The following SMAD9 variants were observed in gnomAD, a reference collection of about 807,000 sequenced individuals.
SMAD9 encodes SMAD family member 9.
A neutral mutation model predicts 46.1 loss-of-function variants in SMAD9; 36 were observed. The ratio of observed to expected loss-of-function variants is 0.78; its 90% CI spans 0.60 to 1.03. The LOEUF is 1.03. Ranked by LOEUF, SMAD9 falls within the 50% of genes least tolerant of loss-of-function variation. The pLI is 0.00. For missense variants in SMAD9, 572 were observed against 599.8 expected (o/e 0.95, Z 0.48); for synonymous variants, 245 against 237.1 (o/e 1.03, Z -0.31).
intron 3 of SMAD9, among the ~76,000 whole-genome samples, chr13:36,870,241 T>C (rs2058277590): frequency 6.6e-6 from 1 of 152,216 alleles, no homozygotes; most frequent in Non-Finnish European, 1.5e-5. Flanking sequence ...CAGGAAGTCT[T>C]TGTAGCATAG....
chr13:36,887,040 G>GCTTTT (rs536606828), intron 1 of SMAD9, among the ~76,000 whole-genome samples: 1 of 102,542 alleles, frequency 9.8e-6, no homozygotes, highest in African/African-American at 3.8e-5. Flanking sequence ...CTTTGAATGG[G>GCTTTT]TTTTTTTTTT....
Position 36,900,425 on chromosome 13 carries a change from C to T in SMAD9, c.-187+19691G>A, listed in dbSNP as rs545034719. On this transcript the variant is annotated intron_variant, in intron 1 of 6. Coordinates refer to ENST00000379826, the MANE Select transcript of SMAD9 (RefSeq NM_001127217.3). Reference sequence around the variant, plus strand: ...CCTCCTGAGTAGCTGGGATTACAGGCGCATGCCACCACACCCAGCTAATTT... The same window carrying T: ...CCTCCTGAGTAGCTGGGATTACAGGTGCATGCCACCACACCCAGCTAATTT... 3.8e-3 allele frequency among the ~76,000 whole-genome samples: 576 copies of T among 152,074 alleles called. 3 individuals carry two copies. The highest frequency in any genetic ancestry group is 0.013 in the African/African-American group (541 of 41,460).
In SMAD9 at chr13:36,902,258, T is replaced by C. The variant is rs2058582454; in HGVS notation, c.-187+17858A>G. ...CATTGTTCTCCACTGAATAAAGAAC[T>C]GGACTGTTTTCCATTGAATGGTCTT... On this transcript the variant is annotated intron_variant, in intron 1 of 6. Transcript: ENST00000379826. 2.6e-5 allele frequency among the ~76,000 whole-genome samples: 4 copies of C among 152,336 alleles called. No homozygotes were observed. In the South Asian group the frequency reaches 8.3e-4, roughly 32 times the overall value.
At chr13:36,908,291 G>C (rs988403417) in intron 1 of SMAD9, among the ~76,000 whole-genome samples, 1 of 152,126 alleles carries the variant, frequency 6.6e-6, no homozygotes, top group African/African-American at 2.4e-5. Flanking sequence ...CTCAGAACAA[G>C]TTATTCTTGT....
At chr13:36,854,773 A>T (rs1566013462) in intron 5 of SMAD9, among the ~76,000 whole-genome samples, 1 of 152,252 alleles carries the variant, frequency 6.6e-6, no homozygotes, top group Non-Finnish European at 1.5e-5. Context: ...AAAGACACTT[A>T]AAAAATTTAC....
chr13:36,881,127 CAGG>C (rs550218501), intron 1 of SMAD9, among the ~76,000 whole-genome samples: 6 of 152,218 alleles, frequency 3.9e-5, no homozygotes, highest in African/African-American at 7.2e-5. Context: ...CTGTCATCCA[CAGG>C]AGATGTTCTT....
chr13:36,865,730 G>A lies in SMAD9; in HGVS notation c.810C>T (p.Pro270=), dbSNP rs147382793. ...GDFRPVCYEE[P]QHWCSVAYYE... is the part of the protein sequence containing the mutation. Reference sequence around the variant, plus strand: ...AGTAGGCGACCGAGCACCAGTGCTGGGGCTCCTCGTAACAAACTGGTCGAA... The same window carrying A: ...AGTAGGCGACCGAGCACCAGTGCTGAGGCTCCTCGTAACAAACTGGTCGAA... The change falls in exon 5 of 7, where the codon CCC becomes CCT. Residue 270 remains proline (P), a synonymous_variant. Coordinates refer to ENST00000379826, the MANE Select transcript of SMAD9 (RefSeq NM_001127217.3). The A allele has an allele frequency of 8.1e-6, 13 of 1,614,066 alleles. No individual in the cohort carries two copies. The highest frequency in any genetic ancestry group is 1.1e-5 in the Non-Finnish European group (13 of 1,179,984).
chr13:36,874,246 C>A (rs1331448869), intron 2 of SMAD9, among the ~76,000 whole-genome samples: 1 of 152,206 alleles, frequency 6.6e-6, no homozygotes, highest in Non-Finnish European at 1.5e-5. Flanking sequence ...GTGTGCAGAG[C>A]TCAATTAATG....
In SMAD9 at chr13:36,845,256, A is replaced by G. The variant is rs1206485808; in HGVS notation, c.*3420T>C. 3 of 152,178 alleles carry G rather than the reference A, an allele frequency of 2.0e-5. No individual in the cohort carries two copies. The highest frequency in any genetic ancestry group is 7.2e-5 in the African/African-American group (3 of 41,438). The allele number at this position is 152,178 out of a possible 1,614,324, so 9.4% of individuals were successfully genotyped here. ...GGAACATCCATATCCTTAGAAGACA[A>G]TAAAAAAGAGGATTCTAAATGCTAG... On this transcript the variant is annotated 3_prime_UTR_variant, in exon 7 of 7. Transcript: ENST00000379826.
chr13:36,915,909 A>G (rs1305407010), intron 1 of SMAD9, among the ~76,000 whole-genome samples: 1 of 152,220 alleles, frequency 6.6e-6, no homozygotes, highest in Non-Finnish European at 1.5e-5. Context: ...TGAATATATT[A>G]TATGGGCATG....
At chr13:36,905,126 G>A (rs1235018485) in intron 1 of SMAD9, among the ~76,000 whole-genome samples, 1 of 152,174 alleles carries the variant, frequency 6.6e-6, no homozygotes, top group Non-Finnish European at 1.5e-5. Context: ...GGTGCCACTG[G>A]CCTCTAGTGG....
At chr13:36,861,944 AT>A (rs1242580260) in intron 5 of SMAD9, among the ~76,000 whole-genome samples, 1 of 151,898 alleles carries the variant, frequency 6.6e-6, no homozygotes, top group African/African-American at 2.4e-5. Flanking sequence ...AAAAAAAAAA[AT>A]CTTCCATCCT....
intron 6 of SMAD9, chr13:36,851,966 C>T: frequency 1.0e-6 from 1 of 976,388 alleles, no homozygotes; most frequent in Non-Finnish European, 1.2e-6. Flanking sequence ...AAACACAGAC[C>T]CGGAAAAAAA....
chr13:36,863,948 G>A (rs191969166), intron 5 of SMAD9, among the ~76,000 whole-genome samples: 63 of 152,256 alleles, frequency 4.1e-4, no homozygotes, highest in African/African-American at 1.4e-3. Context: ...TTGAAGAAGC[G>A]ACTTGCAGAC....
At chr13:36,892,533 C>A (rs2058496167) in intron 1 of SMAD9, among the ~76,000 whole-genome samples, 1 of 152,136 alleles carries the variant, frequency 6.6e-6, no homozygotes, top group African/African-American at 2.4e-5. Flanking sequence ...TCCACTAAAC[C>A]ATCTGCTTGT....
At chr13:36,850,765 G>GT (rs1196132960) in intron 6 of SMAD9, among the ~76,000 whole-genome samples, 6 of 152,172 alleles carry the variant, frequency 3.9e-5, no homozygotes, top group Non-Finnish European at 8.8e-5. Context: ...TCCCAAATTT[G>GT]TATTTCAAGC....
chr13:36,902,820 C>T (rs1225013572), intron 1 of SMAD9, among the ~76,000 whole-genome samples: 4 of 152,124 alleles, frequency 2.6e-5, no homozygotes, highest in Non-Finnish European at 5.9e-5. Flanking sequence ...GTTTCTTTCC[C>T]TAGCACAATA....
At chr13:36,852,573 T>G (rs918035246) in intron 6 of SMAD9, 2 of 984,296 alleles carry the variant, frequency 2.0e-6, no homozygotes, top group Non-Finnish European at 2.4e-6. Flanking sequence ...GAACATATAC[T>G]GCTCTCTGAA....
rs538688481 is a variant in SMAD9, at chr13:36,903,604, G to C, written c.-187+16512C>G. Among the ~76,000 whole-genome samples the C allele has an allele frequency of 2.0e-5, 3 of 152,220 alleles. No homozygotes were observed. The East Asian group carries it at 5.8e-4, about 29-fold the overall frequency. ...GAAATGGAATGAATAACAATGAATT[G>C]TTTTCTTTGAACTGAGAGAGAAAAT... On this transcript the variant is annotated intron_variant, in intron 1 of 6. Transcript: ENST00000379826.
Sources: gnomAD v4.1 joint callset for allele counts (sites outside exome capture counted in the v4.1 genomes callset) on GRCh38, gnomAD v4.1.1 for gene constraint, MANE v1.5 for transcripts, NCBI Gene and HGNC (gene_info 2026-07-23, HGNC 2026-07-21) for gene names.